Variants in TRIM42 observed in about 807,000 individuals in gnomAD.
TRIM42 encodes the protein tripartite motif-containing protein 42.
TRIM42 carries 59 observed loss-of-function variants against 64.9 expected under a neutral mutation model. That is an observed-to-expected ratio of 0.91 (90% CI 0.74 to 1.13). TRIM42 has a LOEUF of 1.13. Ranked by LOEUF, TRIM42 falls within the 50% of genes most tolerant of loss-of-function variation. TRIM42 has a pLI of 0.00. For missense variants in TRIM42, 878 were observed against 929.5 expected (o/e 0.94, Z 0.72); for synonymous variants, 354 against 346.3 (o/e 1.02, Z -0.25).
At chr3:140,687,404 A>G (rs1305486093) in intron 2 of TRIM42, among the ~76,000 whole-genome samples, 2 of 152,250 alleles carry the variant, frequency 1.3e-5, no homozygotes, top group Non-Finnish European at 2.9e-5. Flanking sequence ...CAACTTGCAG[A>G]CAACTGAAAT....
rs201488554 is a variant in TRIM42 at position 140,678,293 on chromosome 3, T to A, written c.64T>A (p.Cys22Ser). ...ATGGCAGAGATGTTGTCCTCAGTTA[T>A]GCTCCTGTCTGTGCTGCAAGTTCAT... ...CTWQRCCPQL[C>S]SCLCCKFIFT... The change falls in exon 1 of 5, where the codon TGC becomes AGC. Residue 22 changes from cysteine to serine, a missense_variant. Cys to Ser is a moderately radical substitution (Grantham distance 112). Coordinates refer to ENST00000286349, the MANE Select transcript of TRIM42 (RefSeq NM_152616.5). The A allele has an allele frequency of 6.2e-6, 10 of 1,614,222 alleles. No homozygotes were observed. The East Asian group carries it at 2.0e-4, about 32-fold the overall frequency.
At chr3:140,694,108 T>C (rs1988790750) in intron 4 of TRIM42, among the ~76,000 whole-genome samples, 1 of 152,234 alleles carries the variant, frequency 6.6e-6, no homozygotes, top group African/African-American at 2.4e-5. Flanking sequence ...CAAATGGAAC[T>C]AAGTCTGGAA....
chr3:140,684,559 C>T (rs1988500096), intron 2 of TRIM42, among the ~76,000 whole-genome samples: 1 of 152,216 alleles, frequency 6.6e-6, no homozygotes, highest in South Asian at 2.1e-4. Flanking sequence ...GGGTCAGAAA[C>T]AGGCTTTGCT....
chr3:140,682,920 A>G lies in TRIM42; in HGVS notation c.800A>G (p.His267Arg). The change falls in exon 2 of 5, where the codon CAC becomes CGC. Residue 267 changes from histidine (H) to arginine (R), a missense_variant. Physicochemically the swap from His to Arg is conservative, Grantham distance 29. Coordinates refer to ENST00000286349, the MANE Select transcript of TRIM42 (RefSeq NM_152616.5). ...TGCAACGACTGCCTCAAGGCCTTCC[A>G]CTCGGATGTGGCCATGCAAGACCAC... ...NLCNDCLKAFHSDVAMQDHVF... is the reference protein window; with the variant it reads ...NLCNDCLKAFRSDVAMQDHVF... The G allele has an allele frequency of 6.2e-7, 1 of 1,614,058 alleles. No homozygotes were observed. The highest frequency in any genetic ancestry group is 1.1e-5 in the South Asian group (1 of 91,076).
At chr3:140,693,577 A>C (rs371862464) in intron 4 of TRIM42, among the ~76,000 whole-genome samples, 2 of 152,270 alleles carry the variant, frequency 1.3e-5, no homozygotes, top group East Asian at 1.9e-4. Flanking sequence ...ATAAAGTTTC[A>C]TAAAAGTAAT....
chr3:140,685,094 G>A (rs1559936517), intron 2 of TRIM42, among the ~76,000 whole-genome samples: 1 of 152,212 alleles, frequency 6.6e-6, no homozygotes, highest in Non-Finnish European at 1.5e-5. Flanking sequence ...CATCCTTGCT[G>A]AAGAAACAGA....
intron 4 of TRIM42, among the ~76,000 whole-genome samples, chr3:140,692,572 TAG>T (rs147431180): frequency 3.7e-4 from 21 of 56,066 alleles, no homozygotes; most frequent in South Asian, 1.8e-3. Context: ...CAGAGAGAGA[TAG>T]AGAGAGAGAG....
rs1988583742 is a variant in TRIM42 at position 140,687,760 on chromosome 3, A to T, written c.1078A>T (p.Ile360Phe). 15 of 1,613,262 alleles carry T rather than the reference A, an allele frequency of 9.3e-6. No homozygotes were observed. The highest frequency in any genetic ancestry group is 1.2e-5 in the Non-Finnish European group (14 of 1,179,834). Residue 360 changes from isoleucine (I) to phenylalanine (F), a missense_variant, in exon 3 of 5, where the codon ATC becomes TTC. Physicochemically the swap from Ile to Phe is conservative, Grantham distance 21. Transcript: ENST00000286349. ...EIDNDLMEFNILKNSFKADKE... is the reference protein window; with the variant it reads ...EIDNDLMEFNFLKNSFKADKE... ...TGATAATGACCTAATGGAATTCAAC[A>T]TCTTAAAAAACAGCTTTAAAGCTGA...
At chr3:140,696,700 C>G (rs2107767682) in intron 4 of TRIM42, among the ~76,000 whole-genome samples, 1 of 152,346 alleles carries the variant, frequency 6.6e-6, no homozygotes, top group Non-Finnish European at 1.5e-5. Context: ...CACCTTCTCA[C>G]TGTCTCCTCA....
In TRIM42 at chr3:140,687,712, A is replaced by G; in HGVS notation, c.1040-10A>G. 1.9e-6 allele frequency: 3 copies of G among 1,588,986 alleles called. No homozygotes were observed. ...AAATTTTAAAAGTAACTAACTTGGC[A>G]TTTTTGCAGTCCGATATGAAATTGA... On this transcript the variant is annotated splice_polypyrimidine_tract_variant and intron_variant, in intron 2 of 4. Coordinates refer to ENST00000286349, the MANE Select transcript of TRIM42 (RefSeq NM_152616.5).
At chr3:140,683,224 G>A in intron 2 of TRIM42, 65 bp downstream of exon 2, 1 of 1,539,038 alleles carries the variant, frequency 6.5e-7, no homozygotes, top group East Asian at 2.3e-5. Flanking sequence ...AAGATGGCGT[G>A]GGGTAATCTG....
At chr3:140,685,158 C>A (rs1988518921) in intron 2 of TRIM42, among the ~76,000 whole-genome samples, 4 of 152,202 alleles carry the variant, frequency 2.6e-5, no homozygotes, top group Admixed American at 2.0e-4. Flanking sequence ...ATTTGATTCA[C>A]TTTTCTGGGA....
At chr3:140,699,226 A>T (rs1407394362) in intron 4 of TRIM42, among the ~76,000 whole-genome samples, 1 of 152,190 alleles carries the variant, frequency 6.6e-6, no homozygotes, top group Non-Finnish European at 1.5e-5. Context: ...AGTTTACTTC[A>T]GTTAGCTCGT....
chr3:140,678,656 C>A, intron 1 of TRIM42, 86 bp downstream of exon 1: 4 of 1,111,678 alleles, frequency 3.6e-6, no homozygotes, highest in Non-Finnish European at 3.8e-6. Context: ...CAGGGCAGGC[C>A]AGTGAGCCTC....
Position 140,701,086 on chromosome 3 carries a change from T to A in TRIM42, c.*112T>A. On this transcript the variant is annotated 3_prime_UTR_variant, in exon 5 of 5. Transcript: ENST00000286349. ...ATTCTTCAAGGAGGTTGTAGACAAATGTTTCCATGACCTCTCAGCTTTCCA... is the reference window on the plus strand; with the variant it reads ...ATTCTTCAAGGAGGTTGTAGACAAAAGTTTCCATGACCTCTCAGCTTTCCA... 1.1e-6 allele frequency: 1 copy of A among 895,336 alleles called. No homozygotes were observed. The highest frequency in any genetic ancestry group is 1.9e-5 in the South Asian group (1 of 53,534). The allele number at this position is 895,336 out of a possible 1,614,324, so 55.5% of individuals were successfully genotyped here.
At chr3:140,695,849 AC>A (rs1988833353) in intron 4 of TRIM42, among the ~76,000 whole-genome samples, 1 of 152,152 alleles carries the variant, frequency 6.6e-6, no homozygotes, top group African/African-American at 2.4e-5. Flanking sequence ...CCCCAAGCCT[AC>A]CCCACAGCCA....
intron 4 of TRIM42, among the ~76,000 whole-genome samples, chr3:140,699,482 T>C (rs1187733276): frequency 1.3e-5 from 2 of 152,174 alleles, no homozygotes; most frequent in African/African-American, 4.8e-5. Context: ...ATTTCTTTAA[T>C]ATTCCAAGTT....
rs1988611332 is a variant in TRIM42, at chr3:140,688,335, G to A, written c.1653G>A (p.Val551=). 1 of 1,614,072 alleles carries A rather than the reference G, an allele frequency of 6.2e-7. No individual in the cohort carries two copies. Among genetic ancestry groups the A allele is most frequent in the African/African-American group, 1.3e-5 (1 of 74,924 alleles). Residue 551 remains valine (V), a synonymous_variant, in exon 3 of 5, where the codon GTG becomes GTA. Transcript: ENST00000286349. ...GCAACACTGACAAGAAGGCCAAGGT[G>A]GGTCTGGAGGCCTGTGGGAGAGCCC... ...SFSNTDKKAK[V]GLEACGRAQS...
chr3:140,691,188 G>T lies in TRIM42; in HGVS notation c.2081G>T (p.Cys694Phe). The T allele has an allele frequency of 6.2e-7, 1 of 1,613,422 alleles. No homozygotes were observed. Among genetic ancestry groups the T allele is most frequent in the Non-Finnish European group, 8.5e-7 (1 of 1,179,338 alleles). ...GGTCCTGGGCAATGGAGTGATATCT[G>T]CAAGGTATTGTGTGCGTTATTTCTC... ...DNGPGQWSDI[C>F]KVVTPDGHGK... Residue 694 changes from cysteine (C) to phenylalanine (F), a missense_variant, in exon 4 of 5, where the codon TGC (cysteine) becomes TTC (phenylalanine). Cys to Phe is a radical substitution (Grantham distance 205). Coordinates refer to ENST00000286349, the MANE Select transcript of TRIM42 (RefSeq NM_152616.5).
Sources: gnomAD v4.1 joint callset for allele counts (sites outside exome capture counted in the v4.1 genomes callset) on GRCh38, gnomAD v4.1.1 for gene constraint, MANE v1.5 for transcripts, NCBI Gene and HGNC (gene_info 2026-07-23, HGNC 2026-07-21) for gene names.